The following TP73 variants were observed in gnomAD, a reference collection of about 807,000 sequenced individuals.
TP73 encodes the protein tumor protein p73, also known as p53-like transcription factor.
A neutral mutation model predicts 62.5 loss-of-function variants in TP73; 25 were observed. The observed-to-expected ratio is 0.40, with a 90% CI of 0.29 to 0.56. The LOEUF (loss-of-function observed/expected upper bound fraction) is 0.56, where lower values mean the gene tolerates loss of function less well. Ranked by LOEUF, TP73 falls within the 20% of genes least tolerant of loss-of-function variation. The pLI, the probability that TP73 is intolerant of heterozygous loss-of-function variation, is 0.46. For synonymous variants in TP73, 423 were observed against 377.5 expected, an observed-to-expected ratio of 1.12 and a Z score of -1.40; for missense variants, 754 against 913.3, an observed-to-expected ratio of 0.83 and a Z score of 2.25.
Position 3,662,580 on chromosome 1 carries a change from A to G in TP73, c.-34+9939A>G, listed in dbSNP as rs1461991509. 6.6e-6 allele frequency among the ~76,000 whole-genome samples: 1 copy of G among 152,134 alleles called. No homozygotes were observed. The highest frequency in any genetic ancestry group is 1.5e-5 in the Non-Finnish European group (1 of 68,024). Reference sequence around the variant, plus strand: ...ACCTTTACGAATGGAAATGTCTTTCATTTCTCTCCCAGACAGGCAGCTGGG... The same window carrying G: ...ACCTTTACGAATGGAAATGTCTTTCGTTTCTCTCCCAGACAGGCAGCTGGG... On this transcript the variant is annotated intron_variant, in intron 1 of 13. Transcript: ENST00000378295. The surrounding 1 kb of genome is among the most constrained non-coding windows in gnomAD (Gnocchi z 4.4).
intron 1 of TP73, among the ~76,000 whole-genome samples, chr1:3,678,524 C>T (rs769173403): frequency 2.6e-5 from 4 of 152,234 alleles, no homozygotes; most frequent in Admixed American, 1.3e-4. Context: ...ATGCTACCAG[C>T]GTTGGCGTTT....
At position 3,681,420 on chromosome 1, in the gene TP73, C is replaced by T. The variant is rs1357781935; in HGVS notation, c.-33-913C>T. Among the ~76,000 whole-genome samples the T allele has an allele frequency of 3.3e-5, 5 of 152,180 alleles. No homozygotes were observed. In the South Asian group the frequency reaches 1.0e-3, roughly 32 times the overall value. On this transcript the variant is annotated intron_variant, in intron 1 of 13. Coordinates refer to ENST00000378295, the MANE Select transcript of TP73 (RefSeq NM_005427.4). ...CTCTGCCTGGACACTGCCACCTCCTCATGGGTGTCCAGGGCCACTGGGAGC... is the reference window on the plus strand; with the variant it reads ...CTCTGCCTGGACACTGCCACCTCCTTATGGGTGTCCAGGGCCACTGGGAGC...
At position 3,666,066 on chromosome 1, in the gene TP73, G is replaced by A. The variant is rs1379659347; in HGVS notation, c.-34+13425G>A. 6.8e-6 allele frequency among the ~76,000 whole-genome samples: 1 copy of A among 147,772 alleles called. No homozygotes were observed. The highest frequency in any genetic ancestry group is 2.5e-5 in the African/African-American group (1 of 40,006). On this transcript the variant is annotated intron_variant, in intron 1 of 13. Transcript: ENST00000378295. This position sits in a 1 kb window ranked among gnomAD's most constrained non-coding sequence, Gnocchi z 6.4. ...TTGAAGCCAGGAGGCGGAGTTTGTG[G>A]TGAGCTGAGATCGCACCATTGTACT...
chr1:3,656,174 CA>C (rs1364612534), intron 1 of TP73, among the ~76,000 whole-genome samples: 3,520 of 103,254 alleles, frequency 0.034, 87 homozygotes, highest in African/African-American at 0.091. Context: ...GACTACGTCT[CA>C]AAAAAAAAAA....
At chr1:3,661,654 G>T (rs1644989293) in intron 1 of TP73, among the ~76,000 whole-genome samples, 3 of 150,908 alleles carry the variant, frequency 2.0e-5, no homozygotes, top group African/African-American at 7.3e-5. Flanking sequence ...ATGCCACAGT[G>T]AGCTGAGATC....
intron 6 of TP73, 59 bp downstream of exon 6, chr1:3,723,528 G>A: frequency 2.5e-6 from 2 of 813,880 alleles, no homozygotes; most frequent in Admixed American, 2.0e-5. Flanking sequence ...GGTCGGGGGA[G>A]GGGTCCCCTG....
chr1:3,676,524 G>A (rs555193423), intron 1 of TP73, among the ~76,000 whole-genome samples: 14 of 151,930 alleles, frequency 9.2e-5, no homozygotes, highest in Admixed American at 2.6e-4. Context: ...TGTGGCTTTC[G>A]TGGGAAGCTA....
intron 4 of TP73, among the ~76,000 whole-genome samples, chr1:3,709,684 C>T (rs1639972176): frequency 6.6e-6 from 1 of 152,236 alleles, no homozygotes; most frequent in Admixed American, 6.5e-5. Context: ...TGCTTCTCTC[C>T]CACACTCAGG....
chr1:3,708,344 C>T (rs755730306), intron 4 of TP73: 8 of 165,000 alleles, frequency 4.8e-5, no homozygotes, highest in Non-Finnish European at 9.3e-5. Flanking sequence ...GTCCTCACTG[C>T]GGTGCCCCTG....
rs1642447520 is a variant in TP73, at chr1:3,736,164, T to C, written c.*3085T>C. On this transcript the variant is annotated 3_prime_UTR_variant, in exon 14 of 14. Coordinates refer to ENST00000378295, the MANE Select transcript of TP73 (RefSeq NM_005427.4). ...TTTTAGCTGTGTTTCAGTGGGGATT[T>C]TTGTTTTTGTAACATAATAAAGTGT... 1 of 152,258 alleles carries C rather than the reference T, an allele frequency of 6.6e-6. No individual in the cohort carries two copies. The highest frequency in any genetic ancestry group is 1.5e-5 in the Non-Finnish European group (1 of 68,042). The allele number at this position is 152,258 out of a possible 1,614,324, so 9.4% of individuals were successfully genotyped here. A position where few individuals can be genotyped will look rare whatever the true frequency, so the allele number is the denominator to read the frequency against.
At chr1:3,668,207 T>C (rs3765692) in intron 1 of TP73, among the ~76,000 whole-genome samples, 62,798 of 152,062 alleles carry the variant, frequency 0.41, 17,632 homozygotes, top group African/African-American at 0.81. Flanking sequence ...CAAATTGGTG[T>C]GCTTGAGAAT....
rs1639822982 is a variant in TP73, at chr1:3,708,045, C to A, written c.429+254C>A. The A allele has an allele frequency of 1.0e-5, 6 of 591,686 alleles. No individual in the cohort carries two copies. The East Asian group carries it at 1.8e-4, about 17-fold the overall frequency. 36.7% of individuals were successfully genotyped at this position (591,686 alleles called of 1,614,324 possible). ...AGGGCCACAGAGGGGACGGACTTGG[C>A]CCTGCTGGTGAGATCTCTGCCAAGA... is the stretch of plus-strand genomic sequence containing the variant. On this transcript the variant is annotated intron_variant, in intron 4 of 13. Coordinates refer to ENST00000378295, the MANE Select transcript of TP73 (RefSeq NM_005427.4).
At chr1:3,688,121 G>T (rs559260113) in intron 3 of TP73, among the ~76,000 whole-genome samples, 20 of 152,142 alleles carry the variant, frequency 1.3e-4, no homozygotes, top group Non-Finnish European at 2.8e-4. Flanking sequence ...GGGGTCATGC[G>T]TGGGAGCAGG....
intron 1 of TP73, among the ~76,000 whole-genome samples, chr1:3,674,431 TG>T (rs1268627350): frequency 6.6e-6 from 1 of 152,106 alleles, no homozygotes; most frequent in African/African-American, 2.4e-5. Context: ...ACTAGGGGAG[TG>T]GGGCAGCAGG....
At position 3,693,160 on chromosome 1, in the gene TP73, C is replaced by T. The variant is rs187196469; in HGVS notation, c.186+9980C>T. Among the ~76,000 whole-genome samples the T allele has an allele frequency of 1.6e-4, 24 of 152,262 alleles. 1 individual carries two copies. Among genetic ancestry groups the T allele is most frequent in the African/African-American group, 5.5e-4 (23 of 41,540 alleles). On this transcript the variant is annotated intron_variant, in intron 3 of 13. Transcript: ENST00000378295. The stretch of plus-strand genomic sequence containing the variant: ...GGGGAGGTGGGCTAGGCTGGGCCAT[C>T]CTAATGGGCGGAGTGGTGACTCAGT...
chr1:3,711,867 T>TGTGTGTGTGC (rs1491505004), intron 4 of TP73, among the ~76,000 whole-genome samples: 200 of 147,900 alleles, frequency 1.4e-3, no homozygotes, highest in African/African-American at 4.3e-3. Flanking sequence ...TGTGTGTGTG[T>TGTGTGTGTGC]GCGCGAGCAT....
chr1:3,729,336 C>A lies in TP73; in HGVS notation c.1084C>A (p.Arg362=). The change falls in exon 10 of 14, where the codon CGG becomes AGG. Residue 362 remains arginine, a synonymous_variant. Transcript: ENST00000378295. Reference sequence around the variant, plus strand: ...GCTCCTCTGTGCTCAGGTGCGAGGCCGGGAGAACTTTGAGATCCTGATGAA... The same window carrying A: ...GCTCCTCTGTGCTCAGGTGCGAGGCAGGGAGAACTTTGAGATCCTGATGAA... ...EDTYYLQVRG[R]ENFEILMKLK... is the part of the protein sequence containing the mutation. The A allele has an allele frequency of 3.7e-6, 6 of 1,613,126 alleles. No homozygotes were observed. The highest frequency in any genetic ancestry group is 5.1e-6 in the Non-Finnish European group (6 of 1,179,984).
At chr1:3,730,176 C>A in intron 11 of TP73, 28 bp downstream of exon 11, 1 of 1,498,402 alleles carries the variant, frequency 6.7e-7, no homozygotes. Context: ...TGCGGGCCCA[C>A]GGGCAGGGCG....
chr1:3,706,810 G>A (rs1235680395), intron 3 of TP73, among the ~76,000 whole-genome samples: 2 of 152,152 alleles, frequency 1.3e-5, no homozygotes, highest in African/African-American at 4.8e-5. Flanking sequence ...CCTGTTCCTT[G>A]GTGTGTGGTC....
Sources: allele counts gnomAD v4.1 joint callset (sites outside exome capture counted in the v4.1 genomes callset), GRCh38; gene constraint gnomAD v4.1.1; non-coding constraint Gnocchi (gnomAD v3.1); transcripts MANE v1.5; gene names NCBI Gene and HGNC (gene_info 2026-07-23, HGNC 2026-07-21).